The following CLIP4 variants were observed in gnomAD, a reference collection of about 807,000 sequenced individuals.
The protein encoded by CLIP4 is CAP-Gly domain containing linker protein family member 4.
A neutral mutation model predicts 73.1 loss-of-function variants in CLIP4; 47 were observed. The observed-to-expected ratio is 0.64, with a 90% confidence interval of 0.51 to 0.82. CLIP4 has a LOEUF of 0.82. Among genes scored for constraint, CLIP4 ranks in the 40% least tolerant of loss-of-function variants. CLIP4 has a pLI of 0.00. For synonymous variants in CLIP4, 306 were observed against 295.4 expected (o/e 1.04, Z -0.37); for missense variants, 874 against 852.9 (o/e 1.02, Z -0.31).
At chr2:29,105,973 G>A (rs1572852836) in intron 1 of CLIP4, among the ~76,000 whole-genome samples, 1 of 152,048 alleles carries the variant, frequency 6.6e-6, no homozygotes, top group South Asian at 2.1e-4. Context: ...CAGGCTCTTC[G>A]ATTACCATCA....
chr2:29,137,145 A>C (rs1049166790), intron 6 of CLIP4, among the ~76,000 whole-genome samples: 7 of 151,932 alleles, frequency 4.6e-5, no homozygotes, highest in African/African-American at 1.7e-4. Context: ...AACAGTGAAC[A>C]TACCCTAGCC....
chr2:29,107,370 T>G (rs1436922994), intron 1 of CLIP4, among the ~76,000 whole-genome samples: 23 of 114,930 alleles, frequency 2.0e-4, no homozygotes, highest in Admixed American at 5.9e-4. Context: ...TTTTTTTTTT[T>G]TTTTTTTTTT....
chr2:29,149,614 G>C (rs1290107856), intron 8 of CLIP4, among the ~76,000 whole-genome samples: 1 of 151,462 alleles, frequency 6.6e-6, no homozygotes, highest in Admixed American at 6.6e-5. Context: ...TTTGAGAAAA[G>C]TCCTATCAAT....
upstream of CLIP4, chr2:29,114,029 C>T (rs1276800831): frequency 6.6e-6 from 1 of 152,206 alleles, no homozygotes; most frequent in Non-Finnish European, 1.5e-5. Context: ...AGATGCTGAG[C>T]CTGCAGAGAC....
At chr2:29,159,998 C>G (rs1167461102) in intron 11 of CLIP4, among the ~76,000 whole-genome samples, 1 of 152,220 alleles carries the variant, frequency 6.6e-6, no homozygotes, top group Non-Finnish European at 1.5e-5. Context: ...TTTGCAGAAA[C>G]AGTTTGCTGT....
At chr2:29,169,878 G>A (rs1182781681) in intron 14 of CLIP4, among the ~76,000 whole-genome samples, 1 of 151,906 alleles carries the variant, frequency 6.6e-6, no homozygotes, top group Non-Finnish European at 1.5e-5. Context: ...GCATGTTTGT[G>A]CCCATTAGCC....
At chr2:29,147,493 A>C (rs1025672683) in intron 8 of CLIP4, among the ~76,000 whole-genome samples, 1 of 152,082 alleles carries the variant, frequency 6.6e-6, no homozygotes, top group African/African-American at 2.4e-5. Context: ...ATGCTTTGAT[A>C]ATTCTTCCTA....
At chr2:29,181,515 A>G (rs1009070018) in intron 15 of CLIP4, 57 bp from the exon 16 acceptor site, 32 of 1,355,036 alleles carry the variant, frequency 2.4e-5, no homozygotes, top group Non-Finnish European at 3.1e-5. Flanking sequence ...AATATGATGC[A>G]TTGCATTACG....
At chr2:29,173,516 G>A (rs767377083) in intron 14 of CLIP4, among the ~76,000 whole-genome samples, 2 of 152,196 alleles carry the variant, frequency 1.3e-5, no homozygotes, top group African/African-American at 4.8e-5. Context: ...CTGGAATTCA[G>A]CGGAAAGCCT....
chr2:29,149,206 G>C (rs961981862), intron 8 of CLIP4, among the ~76,000 whole-genome samples: 10 of 152,142 alleles, frequency 6.6e-5, no homozygotes, highest in Non-Finnish European at 1.0e-4. Flanking sequence ...ACAGGCAGTA[G>C]CCAGGATATG....
rs552911917 is a variant in CLIP4 at position 29,154,027 on chromosome 2, A to C, written c.1165+1199A>C. On this transcript the variant is annotated intron_variant, in intron 9 of 15. Transcript: ENST00000320081. ...ATGGGAAAGAACTGACATCTTTACAATAGTCAGTTTTTAAATTATGAGTTT... is the reference window on the plus strand; with the variant it reads ...ATGGGAAAGAACTGACATCTTTACACTAGTCAGTTTTTAAATTATGAGTTT... Among the ~76,000 whole-genome samples the C allele has an allele frequency of 1.4e-4, 21 of 152,314 alleles. No individual in the cohort carries two copies. The South Asian group carries it at 3.9e-3, about 29-fold the overall frequency.
chr2:29,114,546 A>G (rs528072129), upstream of CLIP4, among the ~76,000 whole-genome samples: 33 of 152,340 alleles, frequency 2.2e-4, no homozygotes, highest in Admixed American at 3.3e-4. Flanking sequence ...GAGGTGTTCA[A>G]CCACTGCTTG....
In CLIP4 at chr2:29,145,596, C is replaced by T. The variant is rs187820528; in HGVS notation, c.1021+229C>T. ...GTTGCAGGAGAGAAAGGGGACATTTCCAGGAGGAAAGTCCTGAAAAACTTG... is the reference window on the plus strand; with the variant it reads ...GTTGCAGGAGAGAAAGGGGACATTTTCAGGAGGAAAGTCCTGAAAAACTTG... On this transcript the variant is annotated intron_variant, in intron 8 of 15. Coordinates refer to ENST00000320081, the MANE Select transcript of CLIP4 (RefSeq NM_024692.6). Among the ~76,000 whole-genome samples the T allele has an allele frequency of 2.6e-3, 392 of 152,240 alleles. 4 individuals are homozygous for T. Among genetic ancestry groups the T allele is most frequent in the African/African-American group, 9.2e-3 (381 of 41,520 alleles).
At chr2:29,134,432 C>T (rs1308833348) in intron 5 of CLIP4, among the ~76,000 whole-genome samples, 1 of 151,948 alleles carries the variant, frequency 6.6e-6, no homozygotes, top group Admixed American at 6.6e-5. Flanking sequence ...CAATATTTTC[C>T]CCATTGTAGG....
intron 1 of CLIP4, among the ~76,000 whole-genome samples, chr2:29,106,755 A>C (rs1312758561): frequency 6.6e-6 from 1 of 152,228 alleles, no homozygotes; most frequent in African/African-American, 2.4e-5. Context: ...TTGATGGGTC[A>C]GTATGCAAAC....
Position 29,105,432 on chromosome 2 carries a change from G to T in CLIP4, c.-16+7485G>T, listed in dbSNP as rs567620396. Among the ~76,000 whole-genome samples the T allele has an allele frequency of 7.2e-5, 11 of 152,274 alleles. No homozygotes were observed. The South Asian group carries it at 1.9e-3, about 26-fold the overall frequency. ...AATGTAAGAGACATGGGGCACAAAG[G>T]TTAGGCAGGAGTTTCCATTTTGAAC... On this transcript the variant is annotated intron_variant, in intron 1 of 14. Transcript: ENST00000401605.
chr2:29,121,621 G>C (rs1258104718), intron 2 of CLIP4, 100 bp downstream of exon 2: 39 of 1,354,590 alleles, frequency 2.9e-5, no homozygotes, highest in Non-Finnish European at 3.8e-5. Context: ...CATTTTTATG[G>C]TTTTCATAAA....
Position 29,129,459 on chromosome 2 carries a change from A to G in CLIP4, c.134-1799A>G, listed in dbSNP as rs114406203. Among the ~76,000 whole-genome samples the G allele has an allele frequency of 9.5e-3, 1,422 of 150,198 alleles. 15 individuals are homozygous for G. Among genetic ancestry groups the G allele is most frequent in the East Asian group, 0.047 (243 of 5,156 alleles). On this transcript the variant is annotated intron_variant, in intron 2 of 15. Coordinates refer to ENST00000320081, the MANE Select transcript of CLIP4 (RefSeq NM_024692.6). Reference sequence around the variant, plus strand: ...ATAAGATCTCTGTGTCTGTTTGTGTATACAGACAGACACAGAGATCTTATA... The same window carrying G: ...ATAAGATCTCTGTGTCTGTTTGTGTGTACAGACAGACACAGAGATCTTATA...
chr2:29,105,681 G>A (rs1167099963), intron 1 of CLIP4, among the ~76,000 whole-genome samples: 1 of 152,174 alleles, frequency 6.6e-6, no homozygotes, highest in Admixed American at 6.5e-5. Flanking sequence ...AAATCATGTT[G>A]AAACCTAGTC....
Sources: allele counts gnomAD v4.1 joint callset (sites outside exome capture counted in the v4.1 genomes callset), GRCh38; gene constraint gnomAD v4.1.1; transcripts MANE v1.5; gene names NCBI Gene and HGNC (gene_info 2026-07-23, HGNC 2026-07-21).